DOCK2: variants seen among roughly 807,000 people sequenced by gnomAD.
DOCK2 encodes dedicator of cytokinesis protein 2.
Under a neutral mutation model 248.9 loss-of-function variants are expected in DOCK2, and 87 were observed. The observed-to-expected ratio is 0.35, with a 90% CI of 0.29 to 0.42. The LOEUF (loss-of-function observed/expected upper bound fraction) is 0.42, where lower values mean the gene tolerates loss of function less well. Ranked by LOEUF, DOCK2 falls within the 10% of genes least tolerant of loss-of-function variation. The pLI is 1.00. For synonymous variants in DOCK2, 805 were observed against 821.6 expected (o/e 0.98, Z 0.35); for missense variants, 1,747 against 2,300.2 (o/e 0.76, Z 4.92).
chr5:169,696,057 G>A, intron 10 of DOCK2, 119 bp downstream of exon 10: 1 of 1,336,744 alleles, frequency 7.5e-7, no homozygotes, highest in Admixed American at 3.3e-5. Context: ...CAAAATTTAT[G>A]CCAGACAGCC....
rs970064176 is a variant in DOCK2, at chr5:170,050,202, C to T, written c.4072-54C>T. The T allele has an allele frequency of 2.7e-5, 43 of 1,595,916 alleles. No individual in the cohort carries two copies. In the Middle Eastern group the frequency reaches 8.4e-4, roughly 31 times the overall value. On this transcript the variant is annotated intron_variant, in intron 40 of 51. Transcript: ENST00000520908. ...TACAAGCTCCCCAGCTTTGCTTGGC[C>T]CCTTTCTTCACACCTGGGTCCCCAA...
At chr5:169,950,688 G>A (rs1230551214) in intron 27 of DOCK2, among the ~76,000 whole-genome samples, 1 of 152,200 alleles carries the variant, frequency 6.6e-6, no homozygotes, top group Admixed American at 6.5e-5. Context: ...GTTCCTCTGG[G>A]AATTTTGTCG....
intron 25 of DOCK2, among the ~76,000 whole-genome samples, chr5:169,797,403 C>G (rs1193189980): frequency 6.6e-6 from 1 of 152,206 alleles, no homozygotes; most frequent in Non-Finnish European, 1.5e-5. Context: ...AAAGGGTCCT[C>G]TTATTTGAAG....
At chr5:169,916,451 G>C (rs905245922) in intron 27 of DOCK2, among the ~76,000 whole-genome samples, 2 of 152,224 alleles carry the variant, frequency 1.3e-5, no homozygotes, top group Non-Finnish European at 2.9e-5. Flanking sequence ...TGCACTTAGA[G>C]AGTGAGAGCA....
At chr5:170,080,065 G>A (rs890177880) in intron 49 of DOCK2, 98 bp from the exon 50 acceptor site, 3 of 1,565,846 alleles carry the variant, frequency 1.9e-6, no homozygotes, top group Admixed American at 3.5e-5. Context: ...TAGAAACCAT[G>A]CCACGCCCTC....
chr5:170,022,362 G>A (rs1755758706), intron 33 of DOCK2, among the ~76,000 whole-genome samples: 1 of 152,174 alleles, frequency 6.6e-6, no homozygotes, highest in Non-Finnish European at 1.5e-5. Context: ...GCAACCCCAG[G>A]GCAATCTCTT....
chr5:169,792,303 G>A (rs1766384565), intron 25 of DOCK2, among the ~76,000 whole-genome samples: 1 of 151,798 alleles, frequency 6.6e-6, no homozygotes, highest in African/African-American at 2.4e-5. Flanking sequence ...CCTCTTGCAT[G>A]AATTTGAAGT....
In DOCK2 at chr5:170,041,112, C is replaced by T. The variant is rs770205716; in HGVS notation, c.3723C>T (p.Ala1241=). 1 of 1,614,184 alleles carries T rather than the reference C, an allele frequency of 6.2e-7. No homozygotes were observed. Among genetic ancestry groups the T allele is most frequent in the Non-Finnish European group, 8.5e-7 (1 of 1,180,028 alleles). ...HLDCDNYTEA[A]YTLLLHTWLL... ...ACTGTGACAATTACACAGAGGCTGC[C>T]TACACGCTCCTTCTCCACACCTGGC... Residue 1241 remains alanine, a synonymous_variant, in exon 37 of 52, where the codon GCC becomes GCT. Transcript: ENST00000520908.
intron 2 of DOCK2, among the ~76,000 whole-genome samples, chr5:169,655,744 A>G (rs971137391): frequency 6.6e-6 from 1 of 152,230 alleles, no homozygotes; most frequent in South Asian, 2.1e-4. Flanking sequence ...ATATACACAT[A>G]TGCATACCTG....
intron 46 of DOCK2, among the ~76,000 whole-genome samples, chr5:170,069,734 C>T (rs538378777): frequency 6.6e-6 from 1 of 152,230 alleles, no homozygotes; most frequent in Non-Finnish European, 1.5e-5. Flanking sequence ...CTACATCCCA[C>T]ACAAGCCGCT....
intron 27 of DOCK2, among the ~76,000 whole-genome samples, chr5:169,882,088 A>T (rs1171370445): frequency 6.6e-6 from 1 of 152,206 alleles, no homozygotes; most frequent in Non-Finnish European, 1.5e-5. Context: ...TCATCAAAGT[A>T]GTCAGTACAG....
chr5:169,786,546 G>A (rs1765992684), intron 25 of DOCK2, among the ~76,000 whole-genome samples: 1 of 152,184 alleles, frequency 6.6e-6, no homozygotes, highest in Admixed American at 6.5e-5. Flanking sequence ...TCTCTTGATG[G>A]CAGGAGATTC....
At chr5:169,815,614 G>T (rs1247504523) in intron 26 of DOCK2, among the ~76,000 whole-genome samples, 3 of 152,142 alleles carry the variant, frequency 2.0e-5, no homozygotes, top group Admixed American at 6.5e-5. Context: ...TCAGTATTTT[G>T]TTATTTTGTT....
At position 170,018,299 on chromosome 5, in the gene DOCK2, G is replaced by A. The variant is rs1028822613; in HGVS notation, c.3233-661G>A. 1.5e-4 allele frequency among the ~76,000 whole-genome samples: 23 copies of A among 152,114 alleles called. 1 individual carries two copies. ...GACAGGGAAAAGTATTCTCAGCAAA[G>A]GGGCATAATGTGCACAAGCCTTGCT... On this transcript the variant is annotated intron_variant, in intron 32 of 51. Transcript: ENST00000520908.
intron 1 of DOCK2, among the ~76,000 whole-genome samples, chr5:169,650,468 T>G (rs185068551): frequency 6.6e-6 from 1 of 152,166 alleles, no homozygotes; most frequent in Non-Finnish European, 1.5e-5. Flanking sequence ...CAGAGACCCT[T>G]CTTTAGTTGT....
At chr5:169,674,612 G>C (rs188953420) in intron 6 of DOCK2, among the ~76,000 whole-genome samples, 167 bp downstream of exon 6, 3 of 152,302 alleles carry the variant, frequency 2.0e-5, no homozygotes, top group Non-Finnish European at 2.9e-5. Context: ...ACCACCCCTG[G>C]GGGACCTAGG....
chr5:169,875,522 CAG>C (rs1772273505), intron 27 of DOCK2: 65 of 317,670 alleles, frequency 2.0e-4, no homozygotes, highest in South Asian at 1.7e-3. Flanking sequence ...TGTTGGAAGA[CAG>C]AACTGTGTTC....
chr5:169,887,800 T>C (rs1773056895), intron 27 of DOCK2, among the ~76,000 whole-genome samples: 1 of 152,234 alleles, frequency 6.6e-6, no homozygotes, highest in Admixed American at 6.5e-5. Flanking sequence ...GATACTACCA[T>C]GTTACCACTC....
At chr5:169,901,477 C>T (rs547176778) in intron 27 of DOCK2, among the ~76,000 whole-genome samples, 4 of 152,198 alleles carry the variant, frequency 2.6e-5, no homozygotes, top group African/African-American at 7.2e-5. Context: ...GGTATATTAA[C>T]ACGTTTGCAT....
Sources: gnomAD v4.1 joint callset for allele counts (sites outside exome capture counted in the v4.1 genomes callset) on GRCh38, gnomAD v4.1.1 for gene constraint, MANE v1.5 for transcripts, NCBI Gene and HGNC (gene_info 2026-07-23, HGNC 2026-07-21) for gene names.